Variants in FOXP2 observed in about 807,000 individuals in gnomAD.
FOXP2 encodes forkhead box protein P2.
In FOXP2, 12 loss-of-function variants were observed where a neutral mutation model predicts 115.8. The ratio of observed to expected loss-of-function variants is 0.10; its 90% CI spans 0.07 to 0.17. The LOEUF (loss-of-function observed/expected upper bound fraction) is 0.17. Among genes scored for constraint, FOXP2 ranks in the 10% least tolerant of loss-of-function variants. FOXP2 has a pLI of 1.00. For missense variants in FOXP2, 629 were observed against 843.5 expected (o/e 0.75, Z 3.15); for synonymous variants, 328 against 297.7 (o/e 1.10, Z -1.05).
At chr7:114,544,779 T>C (rs1053217725) in intron 3 of FOXP2, among the ~76,000 whole-genome samples, 2 of 152,236 alleles carry the variant, frequency 1.3e-5, no homozygotes, top group Admixed American at 1.3e-4. Context: ...TATCCAGCAT[T>C]TAAAACATAT....
chr7:114,385,469 C>T (rs1456019346), intron 2 of FOXP2, among the ~76,000 whole-genome samples: 5 of 152,312 alleles, frequency 3.3e-5, no homozygotes, highest in South Asian at 4.1e-4. Flanking sequence ...CAGCCGGCTA[C>T]TGCCAGGAGT....
intron 1 of FOXP2, among the ~76,000 whole-genome samples, chr7:114,130,266 C>A (rs1440196808): frequency 6.6e-6 from 1 of 152,100 alleles, no homozygotes; most frequent in East Asian, 1.9e-4. Context: ...GAGGTTGTAG[C>A]AAGCAGAGAT....
At chr7:114,330,527 A>ATT (rs1797680978) in intron 2 of FOXP2, among the ~76,000 whole-genome samples, 1 of 149,530 alleles carries the variant, frequency 6.7e-6, no homozygotes, top group Non-Finnish European at 1.5e-5. Context: ...CACACACACA[A>ATT]TTTTTATATA....
At chr7:114,529,255 T>G (rs1799023386) in intron 2 of FOXP2, among the ~76,000 whole-genome samples, 1 of 151,890 alleles carries the variant, frequency 6.6e-6, no homozygotes. Flanking sequence ...CAGGCTTATT[T>G]CATAGAATTT....
chr7:114,286,918 G>T (rs1361838339), intron 1 of FOXP2, among the ~76,000 whole-genome samples: 1 of 151,960 alleles, frequency 6.6e-6, no homozygotes, highest in African/African-American at 2.4e-5. Flanking sequence ...GGGTTCTTTA[G>T]CTTAAAAGTG....
chr7:114,101,695 A>T (rs192182896), intron 1 of FOXP2, among the ~76,000 whole-genome samples: 2 of 152,004 alleles, frequency 1.3e-5, no homozygotes, highest in East Asian at 3.9e-4. Context: ...TGCCCTTCTT[A>T]TGTATTATGT....
Position 114,494,091 on chromosome 7 carries a change from CT to C in FOXP2, c.169-40518del, listed in dbSNP as rs200154308. 8.5e-3 allele frequency among the ~76,000 whole-genome samples: 1,283 copies of C among 151,788 alleles called. 21 individuals carry two copies. The highest frequency in any genetic ancestry group is 0.039 in the Admixed American group (596 of 15,196). ...ATTAGAGGTAACTTTTTAATTATTA[CT>C]TTTTTTTAAATGTCAAGAGATATAC... is the stretch of plus-strand genomic sequence containing the variant. On this transcript the variant is annotated intron_variant, in intron 2 of 16. Transcript: ENST00000350908.
At chr7:114,108,236 T>C (rs1791173403) in intron 1 of FOXP2, among the ~76,000 whole-genome samples, 1 of 151,906 alleles carries the variant, frequency 6.6e-6, no homozygotes, top group African/African-American at 2.4e-5. Context: ...TTAGAATTAA[T>C]TGACCTGACC....
intron 2 of FOXP2, among the ~76,000 whole-genome samples, chr7:114,440,128 C>T (rs982510275): frequency 6.6e-6 from 1 of 151,928 alleles, no homozygotes; most frequent in Admixed American, 6.6e-5. Context: ...TATTATGATC[C>T]CCATTTTATA....
chr7:114,576,223 G>C (rs564533156), intron 3 of FOXP2, among the ~76,000 whole-genome samples: 2 of 151,958 alleles, frequency 1.3e-5, no homozygotes, highest in South Asian at 4.1e-4. Flanking sequence ...TGTTTTTAAA[G>C]CCTTGGCTGA....
At chr7:114,400,327 T>A (rs567408660) in intron 2 of FOXP2, among the ~76,000 whole-genome samples, 4 of 152,176 alleles carry the variant, frequency 2.6e-5, no homozygotes, top group Non-Finnish European at 4.4e-5. Flanking sequence ...TTTTAAGGAC[T>A]GAGAAGTCCC....
At chr7:114,136,238 T>G (rs1185694229) in intron 1 of FOXP2, among the ~76,000 whole-genome samples, 2 of 152,092 alleles carry the variant, frequency 1.3e-5, no homozygotes, top group Non-Finnish European at 2.9e-5. Flanking sequence ...ACAATAACAT[T>G]TATTTCTTCT....
chr7:114,335,791 T>C (rs1049900482), intron 2 of FOXP2, among the ~76,000 whole-genome samples: 1 of 151,686 alleles, frequency 6.6e-6, no homozygotes, highest in Non-Finnish European at 1.5e-5. Context: ...TGGTAAACAG[T>C]CTTTCCTATA....
At chr7:114,274,792 G>A (rs976755596) in intron 1 of FOXP2, among the ~76,000 whole-genome samples, 38 of 150,614 alleles carry the variant, frequency 2.5e-4, no homozygotes, top group African/African-American at 9.2e-4. Context: ...GTTTTTTTAT[G>A]TTTTTTGTTT....
At chr7:114,404,334 C>T (rs751022514) in intron 2 of FOXP2, among the ~76,000 whole-genome samples, 27 of 152,046 alleles carry the variant, frequency 1.8e-4, no homozygotes, top group Middle Eastern at 3.4e-3. Context: ...AACTTATAAA[C>T]GTTTGTAACG....
At chr7:114,652,146 T>C (rs1806298334) in intron 8 of FOXP2, 57 bp from the exon 9 acceptor site, 6 of 1,513,222 alleles carry the variant, frequency 4.0e-6, no homozygotes, top group Non-Finnish European at 5.5e-6. Flanking sequence ...AAGTGTAGCC[T>C]ATGCCACTAA....
intron 1 of FOXP2, among the ~76,000 whole-genome samples, chr7:114,111,553 G>C (rs1791267815): frequency 1.3e-5 from 2 of 152,090 alleles, no homozygotes; most frequent in African/African-American, 4.8e-5. Flanking sequence ...AACTTATCCA[G>C]CTACAGGAAC....
intron 2 of FOXP2, among the ~76,000 whole-genome samples, chr7:114,516,169 T>G (rs1205759640): frequency 8.6e-5 from 13 of 152,036 alleles, no homozygotes; most frequent in East Asian, 5.8e-4. Flanking sequence ...ATACTACAAG[T>G]CTACAGTAAC....
In FOXP2 at chr7:114,380,227, C is replaced by T. The variant is rs181206688; in HGVS notation, c.-10-46275C>T. 2.5e-3 allele frequency among the ~76,000 whole-genome samples: 373 copies of T among 152,184 alleles called. 1 individual carries two copies. Among genetic ancestry groups the T allele is most frequent in the African/African-American group, 8.7e-3 (360 of 41,502 alleles). On this transcript the variant is annotated intron_variant, in intron 2 of 17. Coordinates refer to the FOXP2 transcript ENST00000634411. ...GCTTCCTAATGTTTGATAGGTGTTC[C>T]CTCAGAAGTTAGGAATTCCCTTTCT...
Sources: gnomAD v4.1 joint callset for allele counts (sites outside exome capture counted in the v4.1 genomes callset) on GRCh38, gnomAD v4.1.1 for gene constraint, MANE v1.5 for transcripts, NCBI Gene and HGNC (gene_info 2026-07-23, HGNC 2026-07-21) for gene names.